The following WDR70 variants were observed in gnomAD, a reference collection of about 807,000 sequenced individuals.
The protein encoded by WDR70 is WD repeat domain 70, also known as WD repeat-containing protein 70.
Under a neutral mutation model 88.6 loss-of-function variants are expected in WDR70, and 53 were observed. That is an observed-to-expected ratio of 0.60 (90% CI 0.48 to 0.75). The LOEUF is 0.75. Ranked by LOEUF, WDR70 falls within the 30% of genes least tolerant of loss-of-function variation. The probability of loss-of-function intolerance (pLI) is 0.00; values close to 1 mark genes in which losing one functional copy is unlikely to be tolerated. For missense variants in WDR70, 610 were observed against 823.2 expected (o/e 0.74, Z 3.17); for synonymous variants, 280 against 270.0 (o/e 1.04, Z -0.36).
chr5:37,422,612 G>A (rs768456657), intron 5 of WDR70, among the ~76,000 whole-genome samples: 22 of 151,804 alleles, frequency 1.4e-4, no homozygotes, highest in Non-Finnish European at 3.2e-4. Flanking sequence ...CGAGTAGCTG[G>A]GATTACAGGT....
chr5:37,692,446 C>T (rs752984824), intron 10 of WDR70, among the ~76,000 whole-genome samples: 58 of 152,178 alleles, frequency 3.8e-4, no homozygotes, highest in Non-Finnish European at 7.8e-4. Context: ...TCCTGATGAA[C>T]GTTGATGCAA....
At chr5:37,561,198 A>G (rs1165249780) in intron 9 of WDR70, among the ~76,000 whole-genome samples, 1 of 152,186 alleles carries the variant, frequency 6.6e-6, no homozygotes, top group Non-Finnish European at 1.5e-5. Flanking sequence ...CTGGTATTAC[A>G]GGAAAAAAGA....
At chr5:37,475,211 T>A (rs56365534) in intron 7 of WDR70, among the ~76,000 whole-genome samples, 129,747 of 151,426 alleles carry the variant, frequency 0.86, 59,084 homozygotes, top group East Asian at 1. Context: ...TGAGCCACGG[T>A]ACCCATCCTT....
intron 10 of WDR70, among the ~76,000 whole-genome samples, chr5:37,607,818 ATT>A (rs1475894013): frequency 6.6e-6 from 1 of 152,100 alleles, no homozygotes. Flanking sequence ...TCAGCCTTTC[ATT>A]TGAGAAGAAG....
intron 13 of WDR70, among the ~76,000 whole-genome samples, chr5:37,706,089 A>G (rs1747313516): frequency 6.6e-6 from 1 of 152,222 alleles, no homozygotes; most frequent in Non-Finnish European, 1.5e-5. Context: ...ATAGCTTCTT[A>G]AAAATATAGC....
chr5:37,490,867 G>A (rs75366570), intron 8 of WDR70, among the ~76,000 whole-genome samples: 1,820 of 152,158 alleles, frequency 0.012, 37 homozygotes, highest in African/African-American at 0.041. Context: ...GGTCCAACTG[G>A]TGTCATGTGC....
At chr5:37,675,950 G>C (rs199720421) in intron 10 of WDR70, among the ~76,000 whole-genome samples, 1 of 151,756 alleles carries the variant, frequency 6.6e-6, no homozygotes, top group Admixed American at 6.6e-5. Context: ...GGTCCTTCAC[G>C]TCCCTTGTAA....
intron 10 of WDR70, among the ~76,000 whole-genome samples, chr5:37,631,865 C>T (rs1357385455): frequency 6.6e-6 from 1 of 152,114 alleles, no homozygotes; most frequent in East Asian, 1.9e-4. Flanking sequence ...ATAGAAAAAT[C>T]CTACTACTTA....
rs189974776 is a variant in WDR70, at chr5:37,522,721, C to T, written c.917+6131C>T. On this transcript the variant is annotated intron_variant, in intron 9 of 17. Coordinates refer to ENST00000265107, the MANE Select transcript of WDR70 (RefSeq NM_018034.4). The stretch of plus-strand genomic sequence containing the variant: ...GGAAGCACAAGGGGTCAGGGAATTC[C>T]CTTTCCTATCCAAGGGAAGCTGTGA... 5.3e-5 allele frequency among the ~76,000 whole-genome samples: 8 copies of T among 152,286 alleles called. No homozygotes were observed. In the East Asian group the frequency reaches 7.7e-4, roughly 15 times the overall value.
At chr5:37,483,030 C>G (rs1439784851) in intron 8 of WDR70, among the ~76,000 whole-genome samples, 3 of 150,044 alleles carry the variant, frequency 2.0e-5, no homozygotes, top group Admixed American at 2.0e-4. Context: ...CCACTGAACT[C>G]CAGCTTGGGC....
intron 8 of WDR70, chr5:37,505,677 C>T: frequency 1.2e-6 from 1 of 837,182 alleles, no homozygotes; most frequent in Non-Finnish European, 2.1e-6. Flanking sequence ...TTCCTCTAGC[C>T]CCTAAAATTC....
At position 37,574,566 on chromosome 5, in the gene WDR70, ATCCCATTTCTGTG is replaced by A. The variant is rs1354591588; in HGVS notation, c.918-30497_918-30485del. ...TTTCTTCCTAAGTCCTGTGGTTTAA[ATCCCATTTCTGTG>A]CCTCAATCCTTTACATCTCTAGTTC... On this transcript the variant is annotated intron_variant, in intron 9 of 17. Transcript: ENST00000265107. Among the ~76,000 whole-genome samples, 5 of 152,212 alleles carry A rather than the reference ATCCCATTTCTGTG, an allele frequency of 3.3e-5. No homozygotes were observed. The East Asian group carries it at 9.6e-4, about 29-fold the overall frequency.
intron 10 of WDR70, among the ~76,000 whole-genome samples, chr5:37,622,601 T>G (rs1744541204): frequency 6.6e-6 from 1 of 152,128 alleles, no homozygotes; most frequent in Admixed American, 6.5e-5. Context: ...GGGACATGGA[T>G]GAAGCTGGAA....
At chr5:37,402,936 C>G (rs1050447699) in intron 5 of WDR70, among the ~76,000 whole-genome samples, 6 of 134,812 alleles carry the variant, frequency 4.5e-5, no homozygotes, top group African/African-American at 1.4e-4. Context: ...CCTTCCCTCC[C>G]TCCCTCCGTT....
chr5:37,717,507 A>G lies in WDR70; in HGVS notation c.1417-3608A>G, dbSNP rs577513387. Among the ~76,000 whole-genome samples, 22 of 152,258 alleles carry G rather than the reference A, an allele frequency of 1.4e-4. 1 individual carries two copies. The South Asian group carries it at 4.6e-3, about 32-fold the overall frequency. ...TTAGGTCTGAATGTGTCACGCTCCC[A>G]GTAAAGAAGCACTTCTTCAAGAACA... On this transcript the variant is annotated intron_variant, in intron 13 of 17. Transcript: ENST00000265107.
chr5:37,600,233 A>G (rs1743831028), intron 9 of WDR70, among the ~76,000 whole-genome samples: 1 of 152,196 alleles, frequency 6.6e-6, no homozygotes, highest in African/African-American at 2.4e-5. Context: ...TATTTAAAGA[A>G]CATCTAGAAT....
At chr5:37,412,605 A>G (rs748328007) in intron 5 of WDR70, among the ~76,000 whole-genome samples, 1 of 152,196 alleles carries the variant, frequency 6.6e-6, no homozygotes, top group Non-Finnish European at 1.5e-5. Flanking sequence ...GCTGGATGTA[A>G]CAGCAGCTTT....
intron 5 of WDR70, among the ~76,000 whole-genome samples, chr5:37,431,378 T>A (rs1223087689): frequency 6.6e-6 from 1 of 152,082 alleles, no homozygotes; most frequent in Non-Finnish European, 1.5e-5. Flanking sequence ...ATATAATTCC[T>A]CTTTTTTTTT....
At chr5:37,499,909 A>G (rs985971612) in intron 8 of WDR70, among the ~76,000 whole-genome samples, 1 of 152,088 alleles carries the variant, frequency 6.6e-6, no homozygotes, top group African/African-American at 2.4e-5. Context: ...ATTCTAATTT[A>G]TCAATTTTTT....
Sources: allele counts gnomAD v4.1 joint callset (sites outside exome capture counted in the v4.1 genomes callset), GRCh38; gene constraint gnomAD v4.1.1; transcripts MANE v1.5; gene names NCBI Gene and HGNC (gene_info 2026-07-23, HGNC 2026-07-21).